SLC35F3: variants seen among roughly 807,000 people sequenced by gnomAD.
The protein encoded by SLC35F3 is putative thiamine transporter SLC35F3.
In SLC35F3, 25 loss-of-function variants were observed where a neutral mutation model predicts 49.9. The observed-to-expected ratio is 0.50, with a 90% CI of 0.37 to 0.70. The LOEUF (loss-of-function observed/expected upper bound fraction) is 0.70. Among genes scored for constraint, SLC35F3 ranks in the 30% least tolerant of loss-of-function variants. SLC35F3 has a pLI of 0.00. For missense variants in SLC35F3, 525 were observed against 639.8 expected (o/e 0.82, Z 1.94); for synonymous variants, 275 against 265.4 (o/e 1.04, Z -0.35).
Position 233,957,224 on chromosome 1 carries a change from T to C in SLC35F3, c.283+51466T>C, listed in dbSNP as rs1662719263. Among the ~76,000 whole-genome samples, 1 of 152,156 alleles carries C rather than the reference T, an allele frequency of 6.6e-6. No individual in the cohort carries two copies. Among genetic ancestry groups the C allele is most frequent in the South Asian group, 2.1e-4 (1 of 4,826 alleles). ...GGAGGAGATTGTTTTATGTCAGATA[T>C]GAAATTGGATTTTTGAACTGGACTG... On this transcript the variant is annotated intron_variant, in intron 2 of 7. Transcript: ENST00000366618. The surrounding 1 kb of genome is among the most constrained non-coding windows in gnomAD (Gnocchi z 4.0).
chr1:234,077,234 G>A (rs1378205637), intron 2 of SLC35F3, among the ~76,000 whole-genome samples: 1 of 151,574 alleles, frequency 6.6e-6, no homozygotes, highest in Non-Finnish European at 1.5e-5. Context: ...TCGATCTCCT[G>A]ACCTCATGAT....
At chr1:234,033,715 C>G (rs1216685678) in intron 2 of SLC35F3, among the ~76,000 whole-genome samples, 2 of 152,100 alleles carry the variant, frequency 1.3e-5, no homozygotes, top group African/African-American at 2.4e-5. Flanking sequence ...TTGGTCTATG[C>G]GCCTATTTTT....
chr1:234,127,176 A>G (rs1165891328), intron 2 of SLC35F3, among the ~76,000 whole-genome samples: 6 of 152,198 alleles, frequency 3.9e-5, no homozygotes, highest in Admixed American at 6.5e-5. Context: ...TATGATACCT[A>G]ATTGAATACT....
chr1:234,099,620 A>AAC (rs1018135774), intron 2 of SLC35F3, among the ~76,000 whole-genome samples: 3 of 150,472 alleles, frequency 2.0e-5, no homozygotes, highest in African/African-American at 5.0e-5. Context: ...AAAAAAAAAA[A>AAC]AAAAAAACAA....
At chr1:234,215,786 A>G (rs761909081) in intron 2 of SLC35F3, among the ~76,000 whole-genome samples, 20 of 152,174 alleles carry the variant, frequency 1.3e-4, no homozygotes, top group Non-Finnish European at 1.2e-4. Flanking sequence ...CAGCTGCCCT[A>G]GTACTGTGAT....
chr1:234,067,404 G>A (rs1035522762), intron 2 of SLC35F3, among the ~76,000 whole-genome samples: 3 of 152,078 alleles, frequency 2.0e-5, no homozygotes, highest in Non-Finnish European at 2.9e-5. Flanking sequence ...ATCAAACACC[G>A]GTCCGTGGTC....
chr1:234,240,334 G>A (rs1178065269), intron 3 of SLC35F3, among the ~76,000 whole-genome samples: 1 of 152,146 alleles, frequency 6.6e-6, no homozygotes, highest in African/African-American at 2.4e-5. Context: ...GCTGGACGTG[G>A]TGGCATATGC....
chr1:234,012,218 C>T (rs140512574), intron 2 of SLC35F3, among the ~76,000 whole-genome samples: 4,473 of 152,322 alleles, frequency 0.029, 189 homozygotes, highest in African/African-American at 0.094. Context: ...CAACATGTCT[C>T]GCCTCCCGCC....
At chr1:234,247,786 A>G (rs1366933736) in intron 3 of SLC35F3, among the ~76,000 whole-genome samples, 48 of 30,102 alleles carry the variant, frequency 1.6e-3, no homozygotes, top group African/African-American at 2.5e-3. Context: ...TTCATTGTTC[A>G]GTGGGTTGGT....
At chr1:233,930,587 T>A (rs11576361) in intron 2 of SLC35F3, among the ~76,000 whole-genome samples, 1 of 151,912 alleles carries the variant, frequency 6.6e-6, no homozygotes, top group Non-Finnish European at 1.5e-5. Flanking sequence ...GCACACATTC[T>A]TTATATAGTA....
chr1:234,013,800 A>T (rs1241256111), intron 2 of SLC35F3, among the ~76,000 whole-genome samples: 1 of 151,982 alleles, frequency 6.6e-6, no homozygotes, highest in Non-Finnish European at 1.5e-5. Context: ...CAAAATCTGA[A>T]CTGACCAGTA....
Position 234,214,324 on chromosome 1 carries a change from C to G in SLC35F3, c.284-17093C>G. 7.6e-7 allele frequency: 1 copy of G among 1,308,240 alleles called. No homozygotes were observed. Among genetic ancestry groups the G allele is most frequent in the Non-Finnish European group, 9.7e-7 (1 of 1,031,830 alleles). 81.0% of individuals were successfully genotyped at this position (1,308,240 alleles called of 1,614,324 possible). On this transcript the variant is annotated intron_variant, in intron 2 of 7. Coordinates refer to ENST00000366618, the MANE Select transcript of SLC35F3 (RefSeq NM_173508.4). This position sits in a 1 kb window ranked among gnomAD's most constrained non-coding sequence, Gnocchi z 8.0. Reference sequence around the variant, plus strand: ...GCAGGGCGGCCGCCGCAGTGAGCAACGCGGCAACCGGAGCCCGGCGGGCAG... The same window carrying G: ...GCAGGGCGGCCGCCGCAGTGAGCAAGGCGGCAACCGGAGCCCGGCGGGCAG...
At chr1:234,295,397 G>A (rs781336782) in intron 3 of SLC35F3, among the ~76,000 whole-genome samples, 10 of 152,214 alleles carry the variant, frequency 6.6e-5, no homozygotes, top group South Asian at 6.2e-4. Flanking sequence ...TTCTGCCCAC[G>A]GATGTGTACC....
intron 2 of SLC35F3, among the ~76,000 whole-genome samples, chr1:233,990,151 T>G (rs958499394): frequency 6.6e-6 from 1 of 152,196 alleles, no homozygotes; most frequent in Non-Finnish European, 1.5e-5. Flanking sequence ...TATTTCCTCT[T>G]TAGGTTTTTC....
rs1382943512 is a variant in SLC35F3, at chr1:234,027,363, C to T, written c.283+121605C>T. On this transcript the variant is annotated intron_variant, in intron 2 of 7. Transcript: ENST00000366618. The surrounding 1 kb of genome is among the most constrained non-coding windows in gnomAD (Gnocchi z 4.1). Reference sequence around the variant, plus strand: ...ACCAGGGCCGCTGTCCGTGCCACCTCACCATCCACAGACTGGAAACTGAAG... The same window carrying T: ...ACCAGGGCCGCTGTCCGTGCCACCTTACCATCCACAGACTGGAAACTGAAG... 6.6e-6 allele frequency: 1 copy of T among 152,302 alleles called. No homozygotes were observed. Among genetic ancestry groups the T allele is most frequent in the Non-Finnish European group, 1.5e-5 (1 of 68,072 alleles). The allele number at this position is 152,302 out of a possible 1,614,324, so 9.4% of individuals were successfully genotyped here.
intron 3 of SLC35F3, among the ~76,000 whole-genome samples, chr1:234,280,441 G>T (rs958427679): frequency 1.3e-5 from 2 of 152,180 alleles, no homozygotes; most frequent in Non-Finnish European, 1.5e-5. Flanking sequence ...CTCTGTAGCT[G>T]AAACCGGTTT....
At chr1:234,097,994 G>A (rs1279696882) in intron 2 of SLC35F3, among the ~76,000 whole-genome samples, 1 of 152,036 alleles carries the variant, frequency 6.6e-6, no homozygotes, top group Non-Finnish European at 1.5e-5. Flanking sequence ...GGTGGTGGTA[G>A]TGACGGTGTT....
chr1:234,048,249 T>C (rs1363812550), intron 2 of SLC35F3, among the ~76,000 whole-genome samples: 3 of 152,172 alleles, frequency 2.0e-5, no homozygotes, highest in African/African-American at 7.2e-5. Flanking sequence ...AAACCAGAAC[T>C]TAAAAATTTG....
intron 2 of SLC35F3, among the ~76,000 whole-genome samples, chr1:234,131,789 C>T (rs1665740137): frequency 6.6e-6 from 1 of 152,122 alleles, no homozygotes; most frequent in Non-Finnish European, 1.5e-5. Context: ...GACTAGAAAG[C>T]GTTTGGCAGG....
Sources: gnomAD v4.1 joint callset for allele counts (sites outside exome capture counted in the v4.1 genomes callset) on GRCh38, gnomAD v4.1.1 for gene constraint, Gnocchi (gnomAD v3.1) non-coding constraint, MANE v1.5 for transcripts, NCBI Gene and HGNC (gene_info 2026-07-23, HGNC 2026-07-21) for gene names.